SEMA5A: variants seen among roughly 807,000 people sequenced by gnomAD.
The protein encoded by SEMA5A is semaphorin-5A.
Under a neutral mutation model 135.5 loss-of-function variants are expected in SEMA5A, and 55 were observed. The observed-to-expected ratio is 0.41, with a 90% CI of 0.33 to 0.51. The LOEUF (loss-of-function observed/expected upper bound fraction) is 0.51. SEMA5A is among the 20% of genes least tolerant of loss of function. The pLI, the probability that SEMA5A is intolerant of heterozygous loss-of-function variation, is 0.37. For synonymous variants in SEMA5A, 580 were observed against 546.5 expected, an observed-to-expected ratio of 1.06 and a Z score of -0.85; for missense variants, 1,290 against 1,419.9, an observed-to-expected ratio of 0.91 and a Z score of 1.47.
chr5:9,257,303 C>A (rs2150504381), intron 5 of SEMA5A, among the ~76,000 whole-genome samples: 1 of 152,266 alleles, frequency 6.6e-6, no homozygotes, highest in South Asian at 2.1e-4. Flanking sequence ...GGAGACATTT[C>A]AATTGTTCCT....
chr5:9,207,948 T>A (rs1347862075), intron 8 of SEMA5A, among the ~76,000 whole-genome samples: 2 of 152,116 alleles, frequency 1.3e-5, no homozygotes, highest in African/African-American at 4.8e-5. Flanking sequence ...ATGCGCACAT[T>A]TGTGTCTGTG....
intron 9 of SEMA5A, among the ~76,000 whole-genome samples, chr5:9,201,025 C>A (rs1300683775): frequency 6.6e-6 from 1 of 152,172 alleles, no homozygotes; most frequent in Non-Finnish European, 1.5e-5. Context: ...CCAACCCATC[C>A]AGATTTTGAT....
At chr5:9,200,024 C>T in intron 9 of SEMA5A, among the ~76,000 whole-genome samples, 1 of 152,314 alleles carries the variant, frequency 6.6e-6, no homozygotes, top group South Asian at 2.1e-4. Flanking sequence ...CTTTCTGATT[C>T]ATAAGACCTC....
intron 2 of SEMA5A, among the ~76,000 whole-genome samples, chr5:9,398,553 A>G (rs1242845165): frequency 6.6e-6 from 1 of 152,260 alleles, no homozygotes; most frequent in Non-Finnish European, 1.5e-5. Flanking sequence ...TTCCTAACAG[A>G]CAAGAGCCTC....
intron 8 of SEMA5A, among the ~76,000 whole-genome samples, chr5:9,214,386 G>A (rs1208716598): frequency 6.6e-6 from 1 of 152,212 alleles, no homozygotes; most frequent in South Asian, 2.1e-4. Flanking sequence ...CCCCTGCAGA[G>A]GTGCAGAGGA....
chr5:9,237,803 C>G (rs1256527508), intron 6 of SEMA5A, 25 bp downstream of exon 6: 4 of 1,610,846 alleles, frequency 2.5e-6, no homozygotes, highest in Non-Finnish European at 3.4e-6. Flanking sequence ...AGGGTGATGG[C>G]TGCTCATAAT....
chr5:9,284,579 A>T (rs561279596), intron 5 of SEMA5A, among the ~76,000 whole-genome samples: 1 of 150,370 alleles, frequency 6.7e-6, no homozygotes, highest in South Asian at 2.1e-4. Flanking sequence ...TATTTCATCA[A>T]TTTTTTTTTT....
intron 12 of SEMA5A, among the ~76,000 whole-genome samples, chr5:9,138,404 A>C (rs955332178): frequency 6.6e-6 from 1 of 152,192 alleles, no homozygotes; most frequent in African/African-American, 2.4e-5. Context: ...GTTTTATATA[A>C]TAATGATATG....
intron 11 of SEMA5A, among the ~76,000 whole-genome samples, chr5:9,168,337 T>C (rs535256241): frequency 6.6e-6 from 1 of 152,240 alleles, no homozygotes; most frequent in African/African-American, 2.4e-5. Flanking sequence ...ACTCAAAGGA[T>C]CTAGGATTTG....
chr5:9,488,882 T>C (rs1734859556), intron 1 of SEMA5A, among the ~76,000 whole-genome samples: 1 of 152,218 alleles, frequency 6.6e-6, no homozygotes, highest in Admixed American at 6.5e-5. Flanking sequence ...ATATGGACTA[T>C]TTTCCTGTGT....
chr5:9,309,052 C>CAGAAGAA (rs1752001888), intron 5 of SEMA5A, among the ~76,000 whole-genome samples: 1 of 152,064 alleles, frequency 6.6e-6, no homozygotes, highest in South Asian at 2.1e-4. Context: ...TTAAGCAAGA[C>CAGAAGAA]AGAAGAAAGA....
At chr5:9,428,496 C>T (rs574394037) in intron 2 of SEMA5A, among the ~76,000 whole-genome samples, 5 of 152,260 alleles carry the variant, frequency 3.3e-5, no homozygotes, top group East Asian at 1.9e-4. Context: ...ACATTGGTTT[C>T]GGTCTTGGTG....
chr5:9,349,429 T>C (rs1436999394), intron 3 of SEMA5A, among the ~76,000 whole-genome samples: 1 of 152,182 alleles, frequency 6.6e-6, no homozygotes, highest in Non-Finnish European at 1.5e-5. Context: ...AAGACATTTA[T>C]AATTTAGCTA....
intron 13 of SEMA5A, among the ~76,000 whole-genome samples, chr5:9,127,948 CG>C (rs1741207792): frequency 6.6e-6 from 1 of 152,126 alleles, no homozygotes; most frequent in African/African-American, 2.4e-5. Context: ...CGAATGAAGA[CG>C]GAAACAGAAA....
At chr5:9,106,888 C>A (rs1181208822) in intron 16 of SEMA5A, among the ~76,000 whole-genome samples, 2 of 152,178 alleles carry the variant, frequency 1.3e-5, no homozygotes, top group Non-Finnish European at 2.9e-5. Context: ...ACGACAGTAT[C>A]TTTTCCATTG....
chr5:9,416,880 G>T (rs139042187), intron 2 of SEMA5A, among the ~76,000 whole-genome samples: 3,863 of 152,184 alleles, frequency 0.025, 56 homozygotes, highest in South Asian at 0.041. Context: ...GGGATTATCC[G>T]GTGCAAATTG....
chr5:9,488,072 C>G (rs1734819974), intron 1 of SEMA5A, among the ~76,000 whole-genome samples: 1 of 152,102 alleles, frequency 6.6e-6, no homozygotes, highest in East Asian at 1.9e-4. Flanking sequence ...GATAGCTGAC[C>G]TCATCATTTC....
At chr5:9,232,146 T>G (rs1180461151) in intron 6 of SEMA5A, among the ~76,000 whole-genome samples, 1 of 152,220 alleles carries the variant, frequency 6.6e-6, no homozygotes, top group African/African-American at 2.4e-5. Context: ...AGGGCTGTTT[T>G]CTTAATGAAT....
At chr5:9,232,863 G>C (rs1332175517) in intron 6 of SEMA5A, among the ~76,000 whole-genome samples, 1 of 152,128 alleles carries the variant, frequency 6.6e-6, no homozygotes, top group Non-Finnish European at 1.5e-5. Context: ...CCCATGTATT[G>C]ATTAACTCAC....
Sources: gnomAD v4.1 joint callset for allele counts (sites outside exome capture counted in the v4.1 genomes callset) on GRCh38, gnomAD v4.1.1 for gene constraint, MANE v1.5 for transcripts, NCBI Gene and HGNC (gene_info 2026-07-23, HGNC 2026-07-21) for gene names.